KDM3B: variants seen among roughly 807,000 people sequenced by gnomAD.
KDM3B encodes lysine demethylase 3B, also known as lysine-specific demethylase 3B.
A neutral mutation model predicts 170.0 loss-of-function variants in KDM3B; 10 were observed. That is an observed-to-expected ratio of 0.06 (90% confidence interval 0.04 to 0.10). The LOEUF (loss-of-function observed/expected upper bound fraction) is 0.10. Ranked by LOEUF, KDM3B falls within the 10% of genes least tolerant of loss-of-function variation. The pLI, the probability that KDM3B is intolerant of heterozygous loss-of-function variation, is 1.00. For missense variants in KDM3B, 1,394 were observed against 2,195.2 expected, an observed-to-expected ratio of 0.64 and a Z score of 7.29; for synonymous variants, 831 against 834.8, an observed-to-expected ratio of 1.00 and a Z score of 0.08.
intron 6 of KDM3B, among the ~76,000 whole-genome samples, chr5:138,383,116 A>G (rs949106474): frequency 6.6e-6 from 1 of 151,752 alleles, no homozygotes; most frequent in African/African-American, 2.4e-5. Context: ...TGGATGACTT[A>G]TAGGTGGGAT....
intron 4 of KDM3B, among the ~76,000 whole-genome samples, chr5:138,378,061 C>T (rs746762089): frequency 7.2e-5 from 11 of 152,110 alleles, no homozygotes; most frequent in African/African-American, 1.7e-4. Flanking sequence ...ATCACTCACT[C>T]GTCTTATGGA....
At position 138,435,759 on chromosome 5, in the gene KDM3B, G is replaced by A. The variant is rs1276888800; in HGVS notation, c.*59G>A. The A allele has an allele frequency of 2.3e-6, 3 of 1,302,154 alleles. No homozygotes were observed. The African/African-American group carries it at 4.4e-5, about 19-fold the overall frequency. The allele number at this position is 1,302,154 out of a possible 1,614,324, so 80.7% of individuals were successfully genotyped here. On this transcript the variant is annotated 3_prime_UTR_variant, in exon 24 of 24. Coordinates refer to ENST00000314358, the MANE Select transcript of KDM3B (RefSeq NM_016604.4). ...GGTCTTTCACTCACAACACTTAACA[G>A]GGAACGGCAGGGCTCTTTGCTGGAG...
chr5:138,377,780 A>C lies in KDM3B; in HGVS notation c.535A>C (p.Asn179His). ...LEHAALRETV[N>H]ALISDQKLQE... ...ACATGCTGCACTGAGAGAAACAGTT[A>C]ATGCTTTGATCAGTGACCAAAAGCT... The change falls in exon 4 of 24, where the codon AAT (asparagine) becomes CAT (histidine). Residue 179 changes from asparagine (N) to histidine (H), a missense_variant. Coordinates refer to ENST00000314358, the MANE Select transcript of KDM3B (RefSeq NM_016604.4). 6.2e-7 allele frequency: 1 copy of C among 1,614,068 alleles called. No individual in the cohort carries two copies.
intron 9 of KDM3B, among the ~76,000 whole-genome samples, chr5:138,396,244 C>T (rs990571593): frequency 5.3e-5 from 8 of 151,940 alleles, no homozygotes; most frequent in South Asian, 2.1e-4. Context: ...TACAGGTGCC[C>T]GCCACCACAC....
chr5:138,407,731 T>TGC (rs1210417510), intron 11 of KDM3B, among the ~76,000 whole-genome samples: 1 of 152,180 alleles, frequency 6.6e-6, no homozygotes, highest in Admixed American at 6.5e-5. Context: ...CACATGGACG[T>TGC]GCCTTTCTTC....
rs1762048444 is a variant in KDM3B, at chr5:138,378,275, C to T, written c.580+450C>T. Among the ~76,000 whole-genome samples the T allele has an allele frequency of 3.3e-5, 5 of 152,082 alleles. No individual in the cohort carries two copies. In the South Asian group the frequency reaches 1.0e-3, roughly 32 times the overall value. On this transcript the variant is annotated intron_variant, in intron 4 of 23. Transcript: ENST00000314358. ...TGCCATGTACTAGACAGTGTTAAGGCATTGGGGATATAGCAATTAATTAGA... is the reference window on the plus strand; with the variant it reads ...TGCCATGTACTAGACAGTGTTAAGGTATTGGGGATATAGCAATTAATTAGA...
At chr5:138,356,895 C>T (rs967362597) in intron 1 of KDM3B, among the ~76,000 whole-genome samples, 3 of 152,030 alleles carry the variant, frequency 2.0e-5, no homozygotes, top group Admixed American at 6.6e-5. Context: ...GTGCCCACCG[C>T]GACCTCCCAA....
At chr5:138,359,777 T>TTATC (rs765102474) in intron 1 of KDM3B, among the ~76,000 whole-genome samples, 7 of 152,202 alleles carry the variant, frequency 4.6e-5, no homozygotes, top group African/African-American at 7.2e-5. Context: ...TGTATCATAG[T>TTATC]TATCTCATGT....
chr5:138,352,735 G>T lies in KDM3B; in HGVS notation c.-61G>T. ...GGGAGGCCTTGCGGGCGGATCGGGC[G>T]CTTGGCGGCGGAGGTGGTGGGAGGC... On this transcript the variant is annotated 5_prime_UTR_variant, in exon 1 of 24. Transcript: ENST00000314358. The T allele has an allele frequency of 8.5e-7, 1 of 1,176,992 alleles. No homozygotes were observed. The highest frequency in any genetic ancestry group is 3.9e-5 in the East Asian group (1 of 25,922). 72.9% of individuals were successfully genotyped at this position (1,176,992 alleles called of 1,614,324 possible). A position where few individuals can be genotyped will look rare whatever the true frequency, so the allele number is the denominator to read the frequency against.
At chr5:138,408,186 CTA>C in intron 11 of KDM3B, among the ~76,000 whole-genome samples, 1 of 152,220 alleles carries the variant, frequency 6.6e-6, no homozygotes, top group African/African-American at 2.4e-5. Context: ...TCCCCTAAAG[CTA>C]TGTAAACATC....
chr5:138,386,051 C>T lies in KDM3B; in HGVS notation c.810C>T (p.Ser270=), dbSNP rs148391987. The change falls in exon 7 of 24, where the codon TCC becomes TCT. Residue 270 remains serine, a synonymous_variant. Coordinates refer to ENST00000314358, the MANE Select transcript of KDM3B (RefSeq NM_016604.4). The stretch of plus-strand genomic sequence containing the variant: ...GTACGTTAAAAGCAGTAAAATCTTC[C>T]AAAGGAAAGAAGAAGAGAGAAAGCA... ...EGGTLKAVKS[S]KGKKKRESIE... 1.7e-4 allele frequency: 274 copies of T among 1,606,790 alleles called. 2 individuals are homozygous for T. In the African/African-American group the frequency reaches 3.4e-3, roughly 20 times the overall value.
chr5:138,381,775 A>C, intron 6 of KDM3B, 185 bp downstream of exon 6: 1 of 540,668 alleles, frequency 1.8e-6, no homozygotes, highest in East Asian at 2.8e-5. Context: ...AAAGAGACCT[A>C]GTTTGAGCAA....
intron 8 of KDM3B, among the ~76,000 whole-genome samples, 155 bp downstream of exon 8, chr5:138,392,416 G>A (rs900765324): frequency 2.0e-5 from 3 of 152,220 alleles, no homozygotes; most frequent in Non-Finnish European, 2.9e-5. Context: ...CCCTCGTCAG[G>A]CCTGGTTCAG....
chr5:138,385,600 C>T (rs1447590682), intron 6 of KDM3B, among the ~76,000 whole-genome samples: 1 of 152,134 alleles, frequency 6.6e-6, no homozygotes, highest in Non-Finnish European at 1.5e-5. Flanking sequence ...GAGAAGATGT[C>T]CTATTTCAGT....
intron 7 of KDM3B, among the ~76,000 whole-genome samples, chr5:138,386,880 T>A (rs558901331): frequency 6.6e-6 from 1 of 152,342 alleles, no homozygotes; most frequent in African/African-American, 2.4e-5. Context: ...CATGTTAAAG[T>A]AGATCTGGTG....
intron 1 of KDM3B, among the ~76,000 whole-genome samples, chr5:138,359,785 T>G (rs779554519): frequency 6.6e-6 from 1 of 152,194 alleles, no homozygotes; most frequent in Non-Finnish European, 1.5e-5. Flanking sequence ...AGTTATCTCA[T>G]GTATCCAGAA....
chr5:138,433,273 G>A (rs555394360), intron 23 of KDM3B, among the ~76,000 whole-genome samples: 8 of 150,862 alleles, frequency 5.3e-5, no homozygotes, highest in Admixed American at 1.3e-4. Context: ...CACTGTGCCC[G>A]GCTAATTTTT....
intron 5 of KDM3B, among the ~76,000 whole-genome samples, chr5:138,380,516 C>T (rs999963356): frequency 4.6e-5 from 7 of 151,794 alleles, no homozygotes; most frequent in Non-Finnish European, 7.4e-5. Context: ...AAAATAGATG[C>T]GTTCTTTTCC....
At chr5:138,418,893 A>G in intron 13 of KDM3B, 60 bp from the exon 14 acceptor site, 2 of 1,494,790 alleles carry the variant, frequency 1.3e-6, no homozygotes, top group Non-Finnish European at 1.8e-6. Context: ...AGCCATTACT[A>G]GTTGTATTTT....
Sources: allele counts gnomAD v4.1 joint callset (sites outside exome capture counted in the v4.1 genomes callset), GRCh38; gene constraint gnomAD v4.1.1; transcripts MANE v1.5; gene names NCBI Gene and HGNC (gene_info 2026-07-23, HGNC 2026-07-21).